Variants in UGT1A8 observed in about 807,000 individuals in gnomAD.
The protein encoded by UGT1A8 is UDP-glucuronosyltransferase 1A8.
Under a neutral mutation model 45.3 loss-of-function variants are expected in UGT1A8, and 39 were observed. The ratio of observed to expected loss-of-function variants is 0.86; its 90% confidence interval spans 0.67 to 1.12. The LOEUF (loss-of-function observed/expected upper bound fraction) is 1.12, where lower values mean the gene tolerates loss of function less well. Ranked by LOEUF, UGT1A8 falls within the 50% of genes most tolerant of loss-of-function variation. UGT1A8 has a pLI of 0.00. For missense variants in UGT1A8, 719 were observed against 664.9 expected (o/e 1.08, Z -0.90); for synonymous variants, 275 against 249.2 (o/e 1.10, Z -0.97).
At chr2:233,650,606 C>A (rs140736768) in intron 1 of UGT1A8, among the ~76,000 whole-genome samples, 2 of 152,112 alleles carry the variant, frequency 1.3e-5, no homozygotes, top group African/African-American at 4.8e-5. Flanking sequence ...TTCTTTTGAC[C>A]ATTTTTCCCA....
At chr2:233,695,871 C>T (rs182203911) in intron 1 of UGT1A8, among the ~76,000 whole-genome samples, 133 of 152,210 alleles carry the variant, frequency 8.7e-4, no homozygotes, top group Non-Finnish European at 1.8e-3. Flanking sequence ...CAACAAACAA[C>T]GCAGAAAACT....
chr2:233,761,274 T>A, intron 1 of UGT1A8: 3 of 1,580,366 alleles, frequency 1.9e-6, no homozygotes, highest in Non-Finnish European at 2.6e-6. Flanking sequence ...TGCCCTCTTT[T>A]GTTAATTTTT....
intron 1 of UGT1A8, among the ~76,000 whole-genome samples, chr2:233,715,728 C>T (rs17862871): frequency 0.1 from 15,454 of 152,176 alleles, 903 homozygotes; most frequent in East Asian, 0.2. Flanking sequence ...GCCATGTTCA[C>T]GCCACCTCAC....
intron 1 of UGT1A8, chr2:233,713,893 A>C (rs774657608): frequency 3.1e-6 from 5 of 1,613,332 alleles, no homozygotes; most frequent in Non-Finnish European, 4.2e-6. Flanking sequence ...TCAATGTTCC[A>C]GGCAAAACAC....
chr2:233,633,944 T>G (rs982369208), intron 1 of UGT1A8, among the ~76,000 whole-genome samples: 1 of 152,240 alleles, frequency 6.6e-6, no homozygotes, highest in Admixed American at 6.5e-5. Context: ...CTGTGGGCAT[T>G]TAGTGCTATA....
intron 1 of UGT1A8, among the ~76,000 whole-genome samples, chr2:233,629,974 CCT>C (rs1260393472): frequency 6.6e-6 from 1 of 151,852 alleles, no homozygotes; most frequent in African/African-American, 2.4e-5. Context: ...GGTGATACCA[CCT>C]CTCTCATTCC....
chr2:233,770,570 A>G (rs1700111359), intron 4 of UGT1A8: 2 of 152,086 alleles, frequency 1.3e-5, no homozygotes. Context: ...AGGCAGGAAA[A>G]TCACTTGAAC....
intron 1 of UGT1A8, among the ~76,000 whole-genome samples, chr2:233,663,990 C>A (rs2074026999): frequency 6.6e-6 from 1 of 152,160 alleles, no homozygotes; most frequent in African/African-American, 2.4e-5. Context: ...AGCCAGGCCA[C>A]ATCTGGAATA....
intron 1 of UGT1A8, among the ~76,000 whole-genome samples, chr2:233,651,436 T>G (rs1172213162): frequency 6.6e-6 from 1 of 152,188 alleles, no homozygotes; most frequent in East Asian, 1.9e-4. Context: ...AAAATACATG[T>G]TTTTTTGTAT....
At chr2:233,762,035 T>C (rs960173120) in intron 1 of UGT1A8, among the ~76,000 whole-genome samples, 7 of 152,218 alleles carry the variant, frequency 4.6e-5, no homozygotes, top group African/African-American at 1.4e-4. Flanking sequence ...TTTTTTTTAA[T>C]TTTCTGTGCA....
intron 1 of UGT1A8, among the ~76,000 whole-genome samples, chr2:233,711,929 A>C (rs1575497188): frequency 6.6e-6 from 1 of 152,234 alleles, no homozygotes; most frequent in East Asian, 1.9e-4. Flanking sequence ...GGGTCTCTCC[A>C]TTAGAAAGGC....
intron 1 of UGT1A8, among the ~76,000 whole-genome samples, chr2:233,698,043 G>A (rs1345367179): frequency 6.6e-6 from 1 of 152,102 alleles, no homozygotes. Flanking sequence ...TTTTCAAAAA[G>A]TTGTACTCAG....
intron 1 of UGT1A8, among the ~76,000 whole-genome samples, chr2:233,727,274 G>C (rs779419718): frequency 6.6e-6 from 1 of 152,104 alleles, no homozygotes; most frequent in Non-Finnish European, 1.5e-5. Context: ...CTCATCTCCA[G>C]ACCCTGGAAG....
At chr2:233,701,422 T>A (rs141980879) in intron 1 of UGT1A8, among the ~76,000 whole-genome samples, 7,472 of 152,134 alleles carry the variant, frequency 0.049, 251 homozygotes, top group Non-Finnish European at 0.079. Flanking sequence ...ACTGTCAACA[T>A]TAGACAGATC....
At chr2:233,678,616 T>G (rs916626569) in intron 1 of UGT1A8, among the ~76,000 whole-genome samples, 1 of 152,252 alleles carries the variant, frequency 6.6e-6, no homozygotes, top group African/African-American at 2.4e-5. Context: ...GGTTCATGTC[T>G]TAATAGAAGT....
intron 1 of UGT1A8, chr2:233,754,464 GA>G (rs1321314205): frequency 8.4e-6 from 3 of 356,342 alleles, no homozygotes; most frequent in African/African-American, 2.1e-5. Context: ...CAGCTGTTCT[GA>G]AAGTAAAGTT....
chr2:233,717,065 A>G (rs1043172308), intron 1 of UGT1A8, among the ~76,000 whole-genome samples: 4 of 152,172 alleles, frequency 2.6e-5, no homozygotes, highest in Admixed American at 6.5e-5. Context: ...TAGGAGTGCC[A>G]GACACGTAAC....
intron 1 of UGT1A8, among the ~76,000 whole-genome samples, chr2:233,637,727 C>A (rs2073339465): frequency 6.6e-6 from 1 of 152,046 alleles, no homozygotes; most frequent in Non-Finnish European, 1.5e-5. Context: ...TGTGTACATT[C>A]TTTTCATTGA....
intron 1 of UGT1A8, chr2:233,648,238 T>C (rs1241331358): frequency 1.6e-6 from 1 of 621,220 alleles, no homozygotes; most frequent in South Asian, 2.5e-5. Flanking sequence ...ATTAGTAGAA[T>C]ACTTAAAGGA....
Sources: gnomAD v4.1 joint callset for allele counts (sites outside exome capture counted in the v4.1 genomes callset) on GRCh38, gnomAD v4.1.1 for gene constraint, MANE v1.5 for transcripts, NCBI Gene and HGNC (gene_info 2026-07-23, HGNC 2026-07-21) for gene names.